Variants in PLCG2 observed in about 807,000 individuals in gnomAD.
PLCG2 encodes the protein 1-phosphatidylinositol 4,5-bisphosphate phosphodiesterase gamma-2.
In PLCG2, 69 loss-of-function variants were observed where a neutral mutation model predicts 175.6. That is an observed-to-expected ratio of 0.39 (90% confidence interval 0.32 to 0.48). PLCG2 has a LOEUF of 0.48. PLCG2 is among the 20% of genes least tolerant of loss of function. The probability of loss-of-function intolerance (pLI) is 0.91; values close to 1 mark genes in which losing one functional copy is unlikely to be tolerated. For missense variants in PLCG2, 1,798 were observed against 1,650.9 expected, an observed-to-expected ratio of 1.09 and a Z score of -1.54; for synonymous variants, 827 against 624.0, an observed-to-expected ratio of 1.33 and a Z score of -4.85.
At chr16:81,832,338 G>GCA (rs1422947115) in intron 2 of PLCG2, among the ~76,000 whole-genome samples, 2 of 152,358 alleles carry the variant, frequency 1.3e-5, no homozygotes, top group East Asian at 3.9e-4. Context: ...AAGAGGTTAA[G>GCA]TGAATATTCC....
chr16:81,753,341 GGT>G (rs1491108382), intron 1 of PLCG2, among the ~76,000 whole-genome samples: 1 of 117,682 alleles, frequency 8.5e-6, no homozygotes, highest in Non-Finnish European at 1.8e-5. Context: ...AGTCCTGGCA[GGT>G]TTTTTTTTTT....
chr16:81,753,233 C>G (rs144651510), intron 1 of PLCG2, among the ~76,000 whole-genome samples: 1 of 151,986 alleles, frequency 6.6e-6, no homozygotes, highest in African/African-American at 2.4e-5. Flanking sequence ...CCACACAGCA[C>G]GAGCTTTAGT....
intron 2 of PLCG2, chr16:81,798,570 C>T (rs1378553385): frequency 6.6e-6 from 1 of 152,356 alleles, no homozygotes; most frequent in African/African-American, 2.4e-5. Context: ...TCCACTGTCA[C>T]AGGGCTGTTG....
In PLCG2 at chr16:81,961,462, A is replaced by C. The variant is rs991904896; in HGVS notation, c.*3464A>C. 8 of 225,222 alleles carry C rather than the reference A, an allele frequency of 3.6e-5. No individual in the cohort carries two copies. The highest frequency in any genetic ancestry group is 6.5e-5 in the East Asian group (1 of 15,376). 14.0% of individuals were successfully genotyped at this position (225,222 alleles called of 1,614,324 possible). A position where few individuals can be genotyped will look rare whatever the true frequency, so the allele number is the denominator to read the frequency against. Reference sequence around the variant, plus strand: ...TTGATTCAGCTCAATCCAGAGGAAAATTTTAAAGGCTTACAGCCTTAGGAT... The same window carrying C: ...TTGATTCAGCTCAATCCAGAGGAAACTTTTAAAGGCTTACAGCCTTAGGAT... On this transcript the variant is annotated 3_prime_UTR_variant, in exon 33 of 33. Coordinates refer to ENST00000564138, the MANE Select transcript of PLCG2 (RefSeq NM_002661.5).
chr16:81,811,142 G>A (rs753106262), intron 2 of PLCG2, among the ~76,000 whole-genome samples: 1 of 152,200 alleles, frequency 6.6e-6, no homozygotes, highest in Admixed American at 6.5e-5. Context: ...TATGACAGCA[G>A]TGTTGGGGTT....
At chr16:81,850,367 A>T (rs1385371617) in intron 2 of PLCG2, among the ~76,000 whole-genome samples, 1 of 152,234 alleles carries the variant, frequency 6.6e-6, no homozygotes, top group Non-Finnish European at 1.5e-5. Flanking sequence ...AAACAAACAA[A>T]AAAGTTTCAG....
At chr16:81,872,675 C>T (rs1212659386) in intron 7 of PLCG2, among the ~76,000 whole-genome samples, 2 of 152,238 alleles carry the variant, frequency 1.3e-5, no homozygotes, top group Non-Finnish European at 2.9e-5. Context: ...GCTTTGCAGA[C>T]TGCAAAAGAG....
chr16:81,926,089 T>TG (rs35214525), intron 22 of PLCG2, among the ~76,000 whole-genome samples: 77,627 of 151,520 alleles, frequency 0.51, 20,383 homozygotes, highest in East Asian at 0.78. Flanking sequence ...CTTAAATTAG[T>TG]GGGGGGAAGT....
chr16:81,912,475 C>A, intron 18 of PLCG2, 122 bp from the exon 19 acceptor site: 1 of 1,214,968 alleles, frequency 8.2e-7, no homozygotes, highest in South Asian at 1.5e-5. Context: ...GTGTGATTTC[C>A]ATGGTCGTTT....
intron 31 of PLCG2, among the ~76,000 whole-genome samples, chr16:81,949,174 A>C (rs9934788): frequency 0.087 from 13,279 of 152,236 alleles, 617 homozygotes; most frequent in African/African-American, 0.12. Flanking sequence ...CAAGGACCTA[A>C]TATGAAAGCA....
chr16:81,934,290 G>C (rs1910619244), intron 25 of PLCG2, 139 bp from the exon 26 acceptor site: 2 of 626,098 alleles, frequency 3.2e-6, no homozygotes, highest in Non-Finnish European at 5.7e-6. Flanking sequence ...GTTGTCTTCA[G>C]GAAAGGAAAA....
intron 2 of PLCG2, among the ~76,000 whole-genome samples, chr16:81,761,634 G>C (rs1262544266): frequency 6.6e-6 from 1 of 152,096 alleles, no homozygotes; most frequent in Non-Finnish European, 1.5e-5. Context: ...ACCCCTCATG[G>C]GTTGGGCTGA....
chr16:81,896,112 C>T (rs922866095), intron 13 of PLCG2, among the ~76,000 whole-genome samples, 185 bp downstream of exon 13: 3 of 152,106 alleles, frequency 2.0e-5, no homozygotes, highest in Non-Finnish European at 2.9e-5. Context: ...CCCTGCAGGC[C>T]GAGAGTGCAA....
intron 13 of PLCG2, chr16:81,898,572 A>T (rs1028098104): frequency 6.6e-6 from 1 of 151,972 alleles, no homozygotes; most frequent in Non-Finnish European, 1.5e-5. Flanking sequence ...CTTCATTTCT[A>T]TTGAGTGACG....
At chr16:81,826,737 G>C (rs1007293804) in intron 2 of PLCG2, among the ~76,000 whole-genome samples, 1 of 152,166 alleles carries the variant, frequency 6.6e-6, no homozygotes, top group Non-Finnish European at 1.5e-5. Flanking sequence ...CCATTTTATA[G>C]ATGGGGAAAC....
At chr16:81,852,660 TTC>T (rs1421684458) in intron 2 of PLCG2, among the ~76,000 whole-genome samples, 1 of 152,224 alleles carries the variant, frequency 6.6e-6, no homozygotes, top group Non-Finnish European at 1.5e-5. Context: ...TCTTACTTGT[TTC>T]TGTTATCTAT....
intron 13 of PLCG2, 46 bp downstream of exon 13, chr16:81,895,973 G>A (rs771153704): frequency 1.2e-6 from 2 of 1,611,802 alleles, no homozygotes; most frequent in East Asian, 2.2e-5. Context: ...GGGGAAGGCA[G>A]CTAGGGTTGG....
chr16:81,897,823 G>A (rs1368009089), intron 13 of PLCG2: 3 of 455,778 alleles, frequency 6.6e-6, no homozygotes, highest in South Asian at 4.6e-5. Flanking sequence ...GGGATTATGG[G>A]CATGAGCCAC....
intron 31 of PLCG2, among the ~76,000 whole-genome samples, chr16:81,951,298 T>G (rs1324472298): frequency 1.3e-5 from 2 of 151,764 alleles, no homozygotes; most frequent in Non-Finnish European, 2.9e-5. Flanking sequence ...GCCTACTTAA[T>G]AAAAGAATAA....
Sources: allele counts gnomAD v4.1 joint callset (sites outside exome capture counted in the v4.1 genomes callset), GRCh38; gene constraint gnomAD v4.1.1; transcripts MANE v1.5; gene names NCBI Gene and HGNC (gene_info 2026-07-23, HGNC 2026-07-21).